Variants in MPV17L observed in about 807,000 individuals in gnomAD.
The protein encoded by MPV17L is mpv17-like protein.
Under a neutral mutation model 25.8 loss-of-function variants are expected in MPV17L, and 24 were observed. The observed-to-expected ratio is 0.93, with a 90% CI of 0.67 to 1.31. The LOEUF is 1.31. Among genes scored for constraint, MPV17L ranks in the 50% most tolerant of loss-of-function variants. The probability of loss-of-function intolerance (pLI) is 0.00; values close to 1 mark genes in which losing one functional copy is unlikely to be tolerated. For missense variants in MPV17L, 250 were observed against 265.6 expected, an observed-to-expected ratio of 0.94 and a Z score of 0.41; for synonymous variants, 102 against 115.3, an observed-to-expected ratio of 0.88 and a Z score of 0.74.
In MPV17L at chr16:15,412,908, A is replaced by G. The variant is rs2050746772; in HGVS notation, c.*4796A>G. On this transcript the variant is annotated 3_prime_UTR_variant, in exon 4 of 4. Transcript: ENST00000396385. ...AACTGCAATTTCTAACTCATACATC[A>G]TTGCTATAAACCTTATTTGTTTACT... 1 of 151,968 alleles carries G rather than the reference A, an allele frequency of 6.6e-6. No individual in the cohort carries two copies. The highest frequency in any genetic ancestry group is 1.9e-4 in the East Asian group (1 of 5,186). The allele number at this position is 151,968 out of a possible 1,614,324, so 9.4% of individuals were successfully genotyped here.
At chr16:15,401,511 C>T (rs776842291) in intron 2 of MPV17L, among the ~76,000 whole-genome samples, 12 of 152,100 alleles carry the variant, frequency 7.9e-5, no homozygotes, top group Non-Finnish European at 1.3e-4. Flanking sequence ...CTGTACTTCT[C>T]ATGAACTGGA....
rs190134691 is a variant in MPV17L, at chr16:15,397,054, C to T, written c.310+847C>T. ...CCTTAACGAGTCACAAAGGACTCCA[C>T]CAAGAGGCGGATTTTGATCAATGGG... On this transcript the variant is annotated intron_variant, in intron 1 of 3. Transcript: ENST00000396385. 1.7e-4 allele frequency among the ~76,000 whole-genome samples: 26 copies of T among 152,086 alleles called. No homozygotes were observed. The East Asian group carries it at 5.0e-3, about 29-fold the overall frequency.
At chr16:15,397,627 C>T (rs153002) in intron 1 of MPV17L, among the ~76,000 whole-genome samples, 34,408 of 152,016 alleles carry the variant, frequency 0.23, 4,378 homozygotes, top group East Asian at 0.4. Flanking sequence ...GATCACAGAT[C>T]TCCCCCCAAA....
At chr16:15,400,000 C>G (rs2050619411) in intron 1 of MPV17L, among the ~76,000 whole-genome samples, 1 of 152,108 alleles carries the variant, frequency 6.6e-6, no homozygotes, top group Non-Finnish European at 1.5e-5. Flanking sequence ...GACGGGGTTT[C>G]TCCATGTTGG....
rs2050749383 is a variant in MPV17L, at chr16:15,413,099, A to G, written c.*4987A>G. Reference sequence around the variant, plus strand: ...ATATCTAGGATATGCTTAACAATATATTCTGGAGGCAGCTTTCATTTGAAA... The same window carrying G: ...ATATCTAGGATATGCTTAACAATATGTTCTGGAGGCAGCTTTCATTTGAAA... On this transcript the variant is annotated 3_prime_UTR_variant, in exon 4 of 4. Transcript: ENST00000396385. 1 of 152,190 alleles carries G rather than the reference A, an allele frequency of 6.6e-6. No individual in the cohort carries two copies. The highest frequency in any genetic ancestry group is 6.6e-5 in the Admixed American group (1 of 15,262). 9.4% of individuals were successfully genotyped at this position (152,190 alleles called of 1,614,324 possible).
rs2050735571 is a variant in MPV17L at position 15,411,762 on chromosome 16, T to C, written c.*3650T>C. The C allele has an allele frequency of 1.3e-5, 2 of 151,968 alleles. No individual in the cohort carries two copies. The highest frequency in any genetic ancestry group is 4.8e-5 in the African/African-American group (2 of 41,348). The allele number at this position is 151,968 out of a possible 1,614,324, so 9.4% of individuals were successfully genotyped here. ...TGAGGTCAGGAGTTCAAGACCAGCATGGCCAACACAGTGAAACCCCGTCTC... is the reference window on the plus strand; with the variant it reads ...TGAGGTCAGGAGTTCAAGACCAGCACGGCCAACACAGTGAAACCCCGTCTC... On this transcript the variant is annotated 3_prime_UTR_variant, in exon 4 of 4. Transcript: ENST00000396385.
At chr16:15,399,144 A>C (rs2050612859) in intron 1 of MPV17L, among the ~76,000 whole-genome samples, 1 of 145,332 alleles carries the variant, frequency 6.9e-6, no homozygotes, top group Admixed American at 6.8e-5. Context: ...TTGTAACTCT[A>C]CCCACCTTAG....
intron 1 of MPV17L, among the ~76,000 whole-genome samples, chr16:15,398,901 A>G (rs1485251722): frequency 6.6e-6 from 1 of 151,932 alleles, no homozygotes; most frequent in East Asian, 1.9e-4. Flanking sequence ...GCCGGTTTTC[A>G]GTTTTTCTGG....
At chr16:15,396,234 G>T in intron 1 of MPV17L, 27 bp downstream of exon 1, 1 of 1,544,400 alleles carries the variant, frequency 6.5e-7, no homozygotes, top group Non-Finnish European at 8.7e-7. Context: ...GGACCTGGGG[G>T]GTGGGACCCA....
intron 2 of MPV17L, among the ~76,000 whole-genome samples, chr16:15,405,849 CACA>C (rs1039011536): frequency 8.6e-5 from 13 of 150,814 alleles, no homozygotes; most frequent in Non-Finnish European, 1.6e-4. Flanking sequence ...ATTTGAGATG[CACA>C]ACAAGAGCGA....
At chr16:15,406,694 G>C (rs746011273) in intron 2 of MPV17L, among the ~76,000 whole-genome samples, 21 of 151,824 alleles carry the variant, frequency 1.4e-4, no homozygotes, top group Non-Finnish European at 2.6e-4. Flanking sequence ...GGGAGGCCGA[G>C]GCAGGCAAAT....
chr16:15,395,840 C>G lies in MPV17L; in HGVS notation c.-58C>G. 7.4e-7 allele frequency: 1 copy of G among 1,344,382 alleles called. No individual in the cohort carries two copies. Among genetic ancestry groups the G allele is most frequent in the East Asian group, 3.1e-5 (1 of 32,462 alleles). The allele number at this position is 1,344,382 out of a possible 1,614,324, so 83.3% of individuals were successfully genotyped here. The stretch of plus-strand genomic sequence containing the variant: ...GCTGGAGGCTGGGGAGGCCCGGACC[C>G]GGTGCAGGAAGACGCCGACCACGCG... On this transcript the variant is annotated 5_prime_UTR_variant, in exon 1 of 4. Transcript: ENST00000396385.
chr16:15,403,958 G>C (rs1300464527), intron 2 of MPV17L, among the ~76,000 whole-genome samples: 1 of 151,528 alleles, frequency 6.6e-6, no homozygotes, highest in Non-Finnish European at 1.5e-5. Flanking sequence ...ATGAGGTCAA[G>C]GGATCGAGCC....
At chr16:15,397,397 G>A (rs182718543) in intron 1 of MPV17L, among the ~76,000 whole-genome samples, 10 of 152,274 alleles carry the variant, frequency 6.6e-5, no homozygotes, top group Admixed American at 4.6e-4. Flanking sequence ...ACCTCATTCC[G>A]CCCAGGGTTG....
Position 15,395,870 on chromosome 16 carries a change from C to T in MPV17L, c.-28C>T, listed in dbSNP as rs2050573483. On this transcript the variant is annotated 5_prime_UTR_variant, in exon 1 of 4. Coordinates refer to ENST00000396385, the MANE Select transcript of MPV17L (RefSeq NM_001128423.2). ...CAGGAAGACGCCGACCACGCGGGCT[C>T]CTGATCGCGGGCGCCCACAGCGCGG... The T allele has an allele frequency of 4.3e-6, 6 of 1,380,970 alleles. No homozygotes were observed. The East Asian group carries it at 1.8e-4, about 42-fold the overall frequency. 85.5% of individuals were successfully genotyped at this position (1,380,970 alleles called of 1,614,324 possible).
rs1288489575 is a variant in MPV17L at position 15,401,200 on chromosome 16, C to T, written c.381+343C>T. ...TGGTCATGGCTCACTGCAGCCTGGA[C>T]CTCCTGAGCTCAAGCGATCCTCCCA... On this transcript the variant is annotated intron_variant, in intron 2 of 3. Coordinates refer to ENST00000396385, the MANE Select transcript of MPV17L (RefSeq NM_001128423.2). 8.1e-5 allele frequency among the ~76,000 whole-genome samples: 12 copies of T among 148,748 alleles called. No homozygotes were observed. The East Asian group carries it at 1.8e-3, about 22-fold the overall frequency.
At chr16:15,399,490 C>T (rs1487699518) in intron 1 of MPV17L, 1 of 440,910 alleles carries the variant, frequency 2.3e-6, no homozygotes, top group Non-Finnish European at 4.5e-6. Context: ...ATTGCAGCCT[C>T]GACCTCCTGG....
intron 2 of MPV17L, among the ~76,000 whole-genome samples, chr16:15,407,045 G>C (rs1230830757): frequency 6.6e-6 from 1 of 151,476 alleles, no homozygotes; most frequent in Non-Finnish European, 1.5e-5. Context: ...GACCAGCCTG[G>C]GCAACATAGA....
At chr16:15,401,084 ATAT>A (rs1374787441) in intron 2 of MPV17L, among the ~76,000 whole-genome samples, 20 of 33,210 alleles carry the variant, frequency 6.0e-4, no homozygotes, top group African/African-American at 1.9e-3. Context: ...ATATATATAT[ATAT>A]TTTTTTTTTT....
Sources: gnomAD v4.1 joint callset for allele counts (sites outside exome capture counted in the v4.1 genomes callset) on GRCh38, gnomAD v4.1.1 for gene constraint, MANE v1.5 for transcripts, NCBI Gene and HGNC (gene_info 2026-07-23, HGNC 2026-07-21) for gene names.